Variants in SEMA3E observed in about 807,000 individuals in gnomAD.
SEMA3E encodes semaphorin-3E.
A neutral mutation model predicts 93.6 loss-of-function variants in SEMA3E; 49 were observed. The ratio of observed to expected loss-of-function variants is 0.52; its 90% CI spans 0.42 to 0.66. The LOEUF is 0.66. SEMA3E is among the 30% of genes least tolerant of loss of function. The pLI is 0.00. For synonymous variants in SEMA3E, 363 were observed against 330.7 expected (o/e 1.10, Z -1.06); for missense variants, 906 against 964.8 (o/e 0.94, Z 0.81).
chr7:83,528,304 G>A (rs1443622019), intron 1 of SEMA3E, among the ~76,000 whole-genome samples: 1 of 152,032 alleles, frequency 6.6e-6, no homozygotes, highest in East Asian at 1.9e-4. Context: ...AAAATCACAA[G>A]TGTAGCAACC....
chr7:83,541,467 AAC>A (rs1310342639), intron 1 of SEMA3E, among the ~76,000 whole-genome samples: 2 of 150,880 alleles, frequency 1.3e-5, no homozygotes, highest in Non-Finnish European at 3.0e-5. Context: ...TGCTGGATTC[AAC>A]AGAGTTTGGT....
At chr7:83,465,820 G>A (rs1262946687) in intron 4 of SEMA3E, among the ~76,000 whole-genome samples, 2 of 152,238 alleles carry the variant, frequency 1.3e-5, no homozygotes, top group South Asian at 2.1e-4. Context: ...CGAGAGTTGC[G>A]ATTCACCCAG....
At chr7:83,435,831 C>T (rs2115764075) in intron 4 of SEMA3E, among the ~76,000 whole-genome samples, 1 of 152,212 alleles carries the variant, frequency 6.6e-6, no homozygotes, top group South Asian at 2.1e-4. Context: ...ACTTCATCTT[C>T]ATGTACATTT....
intron 5 of SEMA3E, among the ~76,000 whole-genome samples, chr7:83,413,445 C>G (rs952797514): frequency 6.6e-6 from 1 of 152,174 alleles, no homozygotes; most frequent in Non-Finnish European, 1.5e-5. Context: ...CACTTTATAA[C>G]TGAATTTTAT....
At chr7:83,617,582 T>TTTTATATAAATTTTATATAAGTAATATAA (rs1793406102) in intron 1 of SEMA3E, among the ~76,000 whole-genome samples, 4 of 114,806 alleles carry the variant, frequency 3.5e-5, no homozygotes, top group East Asian at 2.4e-4. Flanking sequence ...AAGTAATATA[T>TTTTATATAAATTTTATATAAGTAATATAA]AATTTTATAT....
chr7:83,445,554 CTAA>C (rs1370868003), intron 4 of SEMA3E, among the ~76,000 whole-genome samples: 7 of 151,932 alleles, frequency 4.6e-5, no homozygotes, highest in Non-Finnish European at 7.4e-5. Context: ...CCCGTCCCTA[CTAA>C]TAATACAAAA....
In SEMA3E at chr7:83,455,054, C is replaced by T. The variant is rs1361112328; in HGVS notation, c.456+11428G>A. Among the ~76,000 whole-genome samples, 8 of 152,180 alleles carry T rather than the reference C, an allele frequency of 5.3e-5. No homozygotes were observed. In the South Asian group the frequency reaches 6.2e-4, roughly 12 times the overall value. ...TACTATCCAAATAGCTGTGCTGCTACTTTCTGCACTAGAGGAAACTTTTAT... is the reference window on the plus strand; with the variant it reads ...TACTATCCAAATAGCTGTGCTGCTATTTTCTGCACTAGAGGAAACTTTTAT... On this transcript the variant is annotated intron_variant, in intron 4 of 16. Transcript: ENST00000643230.
At chr7:83,512,364 T>TA in intron 1 of SEMA3E, among the ~76,000 whole-genome samples, 1 of 152,334 alleles carries the variant, frequency 6.6e-6, no homozygotes, top group African/African-American at 2.4e-5. Flanking sequence ...TTAAATTACT[T>TA]ACGGCTGAAA....
chr7:83,548,137 T>A (rs910453380), intron 1 of SEMA3E, among the ~76,000 whole-genome samples: 3 of 152,116 alleles, frequency 2.0e-5, no homozygotes, highest in African/African-American at 7.2e-5. Context: ...GTATCTATCC[T>A]GAGGCCTTTC....
chr7:83,573,469 T>C (rs1308995316), intron 1 of SEMA3E, among the ~76,000 whole-genome samples: 1 of 152,106 alleles, frequency 6.6e-6, no homozygotes, highest in Non-Finnish European at 1.5e-5. Flanking sequence ...AATATTGATA[T>C]TGTCCAGCAA....
chr7:83,424,337 C>T (rs1050560498), intron 4 of SEMA3E, among the ~76,000 whole-genome samples: 1 of 152,116 alleles, frequency 6.6e-6, no homozygotes, highest in East Asian at 1.9e-4. Context: ...AGGTATTCTT[C>T]GACCCTGTCC....
chr7:83,613,388 T>C (rs76559463), intron 1 of SEMA3E, among the ~76,000 whole-genome samples: 1,821 of 152,166 alleles, frequency 0.012, 38 homozygotes, highest in African/African-American at 0.041. Context: ...GGCCTAACAA[T>C]GTCATGTGTT....
At chr7:83,447,468 G>A (rs546033024) in intron 4 of SEMA3E, among the ~76,000 whole-genome samples, 1 of 152,126 alleles carries the variant, frequency 6.6e-6, no homozygotes, top group African/African-American at 2.4e-5. Flanking sequence ...AACCCAGGAG[G>A]TGGAGGATGC....
chr7:83,386,872 T>C (rs1448689809), intron 15 of SEMA3E, 111 bp downstream of exon 15: 15 of 965,848 alleles, frequency 1.6e-5, no homozygotes, highest in Non-Finnish European at 2.4e-5. Flanking sequence ...TATTACATTG[T>C]TCTAGTATAC....
At chr7:83,422,232 G>A (rs1278684830) in intron 4 of SEMA3E, among the ~76,000 whole-genome samples, 1 of 152,012 alleles carries the variant, frequency 6.6e-6, no homozygotes, top group Non-Finnish European at 1.5e-5. Context: ...AACAAATGTG[G>A]CCTCCTGACC....
intron 1 of SEMA3E, among the ~76,000 whole-genome samples, chr7:83,628,670 G>A: frequency 6.6e-6 from 1 of 151,796 alleles, no homozygotes; most frequent in Middle Eastern, 3.2e-3. Flanking sequence ...GGTTATTCTA[G>A]TTAGTAGTTC....
intron 4 of SEMA3E, among the ~76,000 whole-genome samples, chr7:83,438,006 T>G (rs1020623550): frequency 6.6e-6 from 1 of 152,280 alleles, no homozygotes; most frequent in Admixed American, 6.5e-5. Context: ...GTGCTAGAAA[T>G]ATTCTGTGAG....
intron 1 of SEMA3E, among the ~76,000 whole-genome samples, chr7:83,540,527 C>G (rs11973589): frequency 2.0e-5 from 3 of 151,936 alleles, no homozygotes; most frequent in Non-Finnish European, 2.9e-5. Flanking sequence ...AAATAGATCA[C>G]TCTAAAAATA....
rs182858615 is a variant in SEMA3E, at chr7:83,503,553, A to G, written c.116-13279T>C. On this transcript the variant is annotated intron_variant, in intron 1 of 16. Transcript: ENST00000643230. ...TGGGAATACATTCTGAGTAATACAT[A>G]ATTAAGGAATTTCATTTTTGTGCAA... is the stretch of plus-strand genomic sequence containing the variant. 1.7e-3 allele frequency among the ~76,000 whole-genome samples: 265 copies of G among 152,230 alleles called. 1 individual carries two copies. Among genetic ancestry groups the G allele is most frequent in the African/African-American group, 6.2e-3 (256 of 41,552 alleles).
Sources: allele counts gnomAD v4.1 joint callset (sites outside exome capture counted in the v4.1 genomes callset), GRCh38; gene constraint gnomAD v4.1.1; transcripts MANE v1.5; gene names NCBI Gene and HGNC (gene_info 2026-07-23, HGNC 2026-07-21).